The following METTL9 variants were observed in gnomAD, a reference collection of about 807,000 sequenced individuals.
METTL9 encodes methyltransferase 9, His-X-His N1(pi)-histidine.
METTL9 carries 10 observed loss-of-function variants against 36.0 expected under a neutral mutation model. The observed-to-expected ratio is 0.28, with a 90% CI of 0.17 to 0.47. The LOEUF (loss-of-function observed/expected upper bound fraction) is 0.47. METTL9 is among the 20% of genes least tolerant of loss of function. The pLI, the probability that METTL9 is intolerant of heterozygous loss-of-function variation, is 0.99. For synonymous variants in METTL9, 175 were observed against 149.7 expected (o/e 1.17, Z -1.23); for missense variants, 246 against 383.5 (o/e 0.64, Z 3.00).
chr16:21,631,595 C>T (rs546669938), intron 4 of METTL9, among the ~76,000 whole-genome samples: 3 of 152,132 alleles, frequency 2.0e-5, no homozygotes, highest in Admixed American at 6.5e-5. Context: ...CTTAATCGCC[C>T]GGGAGGAACC....
chr16:21,605,524 C>T (rs750527671), intron 1 of METTL9, among the ~76,000 whole-genome samples: 7 of 151,748 alleles, frequency 4.6e-5, no homozygotes, highest in East Asian at 1.9e-4. Flanking sequence ...GGATTACAGG[C>T]GTGAGCCACT....
rs1159433516 is a variant in METTL9 at position 21,656,143 on chromosome 16, C to T, written c.*711C>T. On this transcript the variant is annotated 3_prime_UTR_variant, in exon 5 of 5. Coordinates refer to ENST00000358154, the MANE Select transcript of METTL9 (RefSeq NM_016025.5). ...AAAAAAAAAAAACAGAAACAAAAACCCAGCCTCATTCAGATACAGAACTTC... is the reference window on the plus strand; with the variant it reads ...AAAAAAAAAAAACAGAAACAAAAACTCAGCCTCATTCAGATACAGAACTTC... 6.6e-6 allele frequency: 1 copy of T among 151,688 alleles called. No homozygotes were observed. Among genetic ancestry groups the T allele is most frequent in the Non-Finnish European group, 1.5e-5 (1 of 67,956 alleles). The allele number at this position is 151,688 out of a possible 1,614,324, so 9.4% of individuals were successfully genotyped here. A position where few individuals can be genotyped will look rare whatever the true frequency, so the allele number is the denominator to read the frequency against.
chr16:21,652,742 T>G (rs1966611127), intron 4 of METTL9: 1 of 592,860 alleles, frequency 1.7e-6, no homozygotes, highest in African/African-American at 1.9e-5. Context: ...CAAGGATGGC[T>G]TCACCATTTA....
At chr16:21,611,417 G>A (rs753865636) in intron 1 of METTL9, among the ~76,000 whole-genome samples, 9 of 152,260 alleles carry the variant, frequency 5.9e-5, no homozygotes, top group South Asian at 4.1e-4. Flanking sequence ...ATAAAAGGTC[G>A]TATTTGTCAA....
At chr16:21,614,949 T>C (rs1255624303) in intron 2 of METTL9, among the ~76,000 whole-genome samples, 1 of 152,144 alleles carries the variant, frequency 6.6e-6, no homozygotes, top group Non-Finnish European at 1.5e-5. Context: ...TTTTAGGTGA[T>C]ACTGTTTTTC....
chr16:21,649,938 G>A (rs192402920), intron 4 of METTL9, among the ~76,000 whole-genome samples: 1 of 152,102 alleles, frequency 6.6e-6, no homozygotes, highest in East Asian at 1.9e-4. Flanking sequence ...TAAACTCCTG[G>A]GCTCAAGCAA....
intron 1 of METTL9, among the ~76,000 whole-genome samples, chr16:21,603,704 C>CAGT: frequency 1.3e-5 from 2 of 152,250 alleles, no homozygotes; most frequent in Admixed American, 1.3e-4. Context: ...AATAGCGGTT[C>CAGT]AGTAGCTTCT....
intron 4 of METTL9, among the ~76,000 whole-genome samples, chr16:21,628,593 A>AAT (rs1965868145): frequency 6.6e-6 from 1 of 152,102 alleles, no homozygotes; most frequent in African/African-American, 2.4e-5. Flanking sequence ...TCCTGGGCTC[A>AAT]AGCTATTCTC....
chr16:21,620,947 A>T (rs1965677094), intron 3 of METTL9, among the ~76,000 whole-genome samples: 1 of 151,986 alleles, frequency 6.6e-6, no homozygotes, highest in African/African-American at 2.4e-5. Context: ...TATCTGGGCC[A>T]TGAAAAACAG....
chr16:21,599,728 C>A lies in METTL9; in HGVS notation c.-6C>A. ...CGGTGATCCGAGCGAGCGGCCGCGG[C>A]CCCCGATGAGACTGCTGGCGGGCTG... is the stretch of plus-strand genomic sequence containing the variant. On this transcript the variant is annotated 5_prime_UTR_variant, in exon 1 of 5. Coordinates refer to ENST00000358154, the MANE Select transcript of METTL9 (RefSeq NM_016025.5). This position sits in a 1 kb window ranked among gnomAD's most constrained non-coding sequence, Gnocchi z 4.4. 1 of 1,502,326 alleles carries A rather than the reference C, an allele frequency of 6.7e-7. No individual in the cohort carries two copies. The highest frequency in any genetic ancestry group is 1.2e-5 in the South Asian group (1 of 80,088). 93.1% of individuals were successfully genotyped at this position (1,502,326 alleles called of 1,614,324 possible).
chr16:21,627,756 G>A (rs1965847792), intron 4 of METTL9, among the ~76,000 whole-genome samples: 1 of 152,090 alleles, frequency 6.6e-6, no homozygotes, highest in African/African-American at 2.4e-5. Flanking sequence ...AGACCATCCT[G>A]AGTTAACACA....
At chr16:21,605,772 ACAT>A (rs1453156987) in intron 1 of METTL9, among the ~76,000 whole-genome samples, 1 of 152,088 alleles carries the variant, frequency 6.6e-6, no homozygotes, top group African/African-American at 2.4e-5. Context: ...TTTTTTCCTG[ACAT>A]CAGCCATTCT....
chr16:21,652,450 G>A lies in METTL9; in HGVS notation c.752-2777G>A, dbSNP rs1172381491. The A allele has an allele frequency of 5.4e-5, 57 of 1,063,854 alleles. No individual in the cohort carries two copies. In the East Asian group the frequency reaches 1.4e-3, roughly 25 times the overall value. 65.9% of individuals were successfully genotyped at this position (1,063,854 alleles called of 1,614,324 possible). On this transcript the variant is annotated intron_variant, in intron 4 of 4. Transcript: ENST00000358154. Reference sequence around the variant, plus strand: ...TTATACATTTAAAAATTAATCTGAAGGAGCTTAAAATATAAATGCATTAGG... The same window carrying A: ...TTATACATTTAAAAATTAATCTGAAAGAGCTTAAAATATAAATGCATTAGG...
chr16:21,644,405 C>CA (rs1276256184), intron 4 of METTL9: 3 of 1,587,046 alleles, frequency 1.9e-6, no homozygotes, highest in Non-Finnish European at 1.7e-6. Flanking sequence ...TTCTTAATGA[C>CA]AAAAACAGAA....
At chr16:21,628,610 C>T (rs1452783461) in intron 4 of METTL9, among the ~76,000 whole-genome samples, 5 of 152,130 alleles carry the variant, frequency 3.3e-5, no homozygotes, top group Non-Finnish European at 7.4e-5. Flanking sequence ...TCTCCCACCT[C>T]AGCCTCCTGA....
intron 1 of METTL9, among the ~76,000 whole-genome samples, chr16:21,604,313 A>G (rs1450609002): frequency 6.6e-6 from 1 of 152,160 alleles, no homozygotes; most frequent in Non-Finnish European, 1.5e-5. Context: ...ATATACCAGG[A>G]GTCTTTATGT....
intron 4 of METTL9, chr16:21,647,211 T>C: frequency 6.2e-7 from 1 of 1,614,142 alleles, no homozygotes; most frequent in Non-Finnish European, 8.5e-7. Flanking sequence ...ATTCCACAGA[T>C]GTAAATTGCA....
At chr16:21,597,257 T>G (rs748151078), upstream of METTL9, 6 of 1,288,966 alleles carry the variant, frequency 4.7e-6, no homozygotes, top group East Asian at 3.3e-4. Flanking sequence ...GCTTCTTAGA[T>G]GGATCGAAAG....
chr16:21,613,343 C>G (rs916994321), intron 2 of METTL9, among the ~76,000 whole-genome samples: 7 of 151,760 alleles, frequency 4.6e-5, no homozygotes, highest in African/African-American at 1.7e-4. Context: ...ACCACCACAC[C>G]TGTCTAATTT....
Sources: gnomAD v4.1 joint callset for allele counts (sites outside exome capture counted in the v4.1 genomes callset) on GRCh38, gnomAD v4.1.1 for gene constraint, Gnocchi (gnomAD v3.1) non-coding constraint, MANE v1.5 for transcripts, NCBI Gene and HGNC (gene_info 2026-07-23, HGNC 2026-07-21) for gene names.